SH3BGRL2: variants seen among roughly 807,000 people sequenced by gnomAD.
SH3BGRL2 encodes the protein SH3 domain-binding glutamic acid-rich-like protein 2.
SH3BGRL2 carries 21 observed loss-of-function variants against 14.8 expected under a neutral mutation model. That is an observed-to-expected ratio of 1.42 (90% CI 1.01 to 2.05). The LOEUF (loss-of-function observed/expected upper bound fraction) is 2.05. Ranked by LOEUF, SH3BGRL2 falls within the 30% of genes most tolerant of loss-of-function variation. The pLI, the probability that SH3BGRL2 is intolerant of heterozygous loss-of-function variation, is 0.00. For missense variants in SH3BGRL2, 147 were observed against 130.8 expected (o/e 1.12, Z -0.61); for synonymous variants, 50 against 47.8 (o/e 1.05, Z -0.19).
intron 2 of SH3BGRL2, among the ~76,000 whole-genome samples, chr6:79,679,374 AT>A (rs145315966): frequency 0.085 from 11,801 of 138,262 alleles, 597 homozygotes; most frequent in Non-Finnish European, 0.12. Context: ...AATGATGAAC[AT>A]TTTTTTTTCA....
chr6:79,582,983 G>A, the SH3BGRL2 span, among the ~76,000 whole-genome samples: 14,717 of 152,216 alleles, frequency 0.097, 830 homozygotes, highest in Non-Finnish European at 0.12. Flanking sequence ...GATATGAACA[G>A]ACACTTCTCA....
the SH3BGRL2 span, among the ~76,000 whole-genome samples, chr6:79,589,070 T>C: frequency 6.6e-6 from 1 of 152,112 alleles, no homozygotes; most frequent in African/African-American, 2.4e-5. Flanking sequence ...AAATCATCTC[T>C]AGATTACTTA....
chr6:79,551,214 C>T, the SH3BGRL2 span, among the ~76,000 whole-genome samples: 1 of 152,146 alleles, frequency 6.6e-6, no homozygotes, highest in Non-Finnish European at 1.5e-5. Context: ...CCATTACAAG[C>T]TGCAAGGACG....
rs1769720525 is a variant in SH3BGRL2, at chr6:79,669,157, T to C, written c.46-4457T>C. ...AGGGCCTCCTGCACGCTGGTCCTTC[T>C]GCTTCCAGAATTGACATTGTAGAGA... On this transcript the variant is annotated intron_variant, in intron 1 of 3. Coordinates refer to ENST00000369838, the MANE Select transcript of SH3BGRL2 (RefSeq NM_031469.4). Among the ~76,000 whole-genome samples, 11 of 152,326 alleles carry C rather than the reference T, an allele frequency of 7.2e-5. 1 individual carries two copies. The South Asian group carries it at 2.3e-3, about 32-fold the overall frequency.
the SH3BGRL2 span, among the ~76,000 whole-genome samples, chr6:79,563,302 G>A: frequency 4.6e-5 from 7 of 151,036 alleles, no homozygotes; most frequent in Admixed American, 3.3e-4. Context: ...TAATAGAGAC[G>A]GGGTTTCACC....
At chr6:79,677,589 A>C (rs1769910340) in intron 2 of SH3BGRL2, among the ~76,000 whole-genome samples, 1 of 152,188 alleles carries the variant, frequency 6.6e-6, no homozygotes, top group Non-Finnish European at 1.5e-5. Flanking sequence ...TATGCAGCTC[A>C]TCTGGGGTGT....
the SH3BGRL2 span, among the ~76,000 whole-genome samples, chr6:79,564,524 G>A: frequency 6.6e-6 from 1 of 152,116 alleles, no homozygotes; most frequent in African/African-American, 2.4e-5. Context: ...GTAAAGCTAG[G>A]ATTTGATCCT....
chr6:79,572,972 CTT>C, the SH3BGRL2 span, among the ~76,000 whole-genome samples: 1 of 152,146 alleles, frequency 6.6e-6, no homozygotes, highest in Non-Finnish European at 1.5e-5. Flanking sequence ...AAAATGGTGT[CTT>C]TAGATGCACA....
chr6:79,566,911 AAAAG>A, the SH3BGRL2 span, among the ~76,000 whole-genome samples: 9 of 151,908 alleles, frequency 5.9e-5, no homozygotes, highest in East Asian at 1.2e-3. Flanking sequence ...AAAAAAAAAA[AAAAG>A]AAAGAAACAA....
At chr6:79,649,844 CCT>C (rs1769245506) in intron 1 of SH3BGRL2, among the ~76,000 whole-genome samples, 1 of 152,096 alleles carries the variant, frequency 6.6e-6, no homozygotes, top group Non-Finnish European at 1.5e-5. Flanking sequence ...TGTTTTGTCA[CCT>C]GTGTTTCTCT....
the SH3BGRL2 span, among the ~76,000 whole-genome samples, chr6:79,552,225 G>C: frequency 6.6e-6 from 1 of 152,242 alleles, no homozygotes; most frequent in South Asian, 2.1e-4. Flanking sequence ...AGTCAAAGCT[G>C]TAGTTACGGC....
the SH3BGRL2 span, among the ~76,000 whole-genome samples, chr6:79,611,514 G>C: frequency 6.6e-6 from 1 of 150,552 alleles, no homozygotes; most frequent in Non-Finnish European, 1.5e-5. Context: ...GGTTCAAGCA[G>C]TTCTCCCTCC....
At chr6:79,635,325 T>C (rs1449467008) in intron 1 of SH3BGRL2, among the ~76,000 whole-genome samples, 1 of 152,226 alleles carries the variant, frequency 6.6e-6, no homozygotes, top group Non-Finnish European at 1.5e-5. Flanking sequence ...GCATAGAGAT[T>C]AAGTGGCTTT....
In SH3BGRL2 at chr6:79,701,369, T is replaced by G. The variant is rs181145851; in HGVS notation, c.*1860T>G. 5 of 152,304 alleles carry G rather than the reference T, an allele frequency of 3.3e-5. No homozygotes were observed. Among genetic ancestry groups the G allele is most frequent in the Non-Finnish European group, 7.4e-5 (5 of 68,026 alleles). 9.4% of individuals were successfully genotyped at this position (152,304 alleles called of 1,614,324 possible). A position where few individuals can be genotyped will look rare whatever the true frequency, so the allele number is the denominator to read the frequency against. On this transcript the variant is annotated 3_prime_UTR_variant, in exon 4 of 4. Transcript: ENST00000369838. ...TTGTAATTCATTACTCAGCTAACATTTAGTCTACTCTTGCTAGTGAGTGCC... is the reference window on the plus strand; with the variant it reads ...TTGTAATTCATTACTCAGCTAACATGTAGTCTACTCTTGCTAGTGAGTGCC...
Position 79,673,690 on chromosome 6 carries a change from T to G in SH3BGRL2, c.122T>G (p.Met41Arg), listed in dbSNP as rs1769822155. ...KIEFEEVDIT[M>R]SEEQRQWMYK... ...GAGTTTGAGGAGGTGGATATCACAA[T>G]GTCAGAAGAACAGAGGCAATGGATG... The change falls in exon 2 of 4, where the codon ATG becomes AGG. Residue 41 changes from methionine to arginine, a missense_variant. By Grantham distance (91) the Met-to-Arg change is moderately conservative (BLOSUM62 -1). Transcript: ENST00000369838. The G allele has an allele frequency of 2.5e-6, 4 of 1,614,126 alleles. No individual in the cohort carries two copies. The highest frequency in any genetic ancestry group is 3.4e-6 in the Non-Finnish European group (4 of 1,180,030).
At chr6:79,591,492 C>T in the SH3BGRL2 span, among the ~76,000 whole-genome samples, 1 of 152,160 alleles carries the variant, frequency 6.6e-6, no homozygotes, top group African/African-American at 2.4e-5. Flanking sequence ...ACTGCAACCT[C>T]CGCCTCCTGG....
chr6:79,695,924 G>T (rs1241153495), intron 2 of SH3BGRL2, among the ~76,000 whole-genome samples: 1 of 152,148 alleles, frequency 6.6e-6, no homozygotes, highest in Non-Finnish European at 1.5e-5. Flanking sequence ...TTGAGGCAAA[G>T]GTAAATATTA....
the SH3BGRL2 span, among the ~76,000 whole-genome samples, chr6:79,570,715 G>A: frequency 6.6e-6 from 1 of 152,198 alleles, no homozygotes; most frequent in Non-Finnish European, 1.5e-5. Context: ...CTAGAGATAA[G>A]ATGTTAACCA....
intron 2 of SH3BGRL2, among the ~76,000 whole-genome samples, chr6:79,691,791 T>C (rs1770222739): frequency 2.0e-5 from 3 of 151,696 alleles, no homozygotes; most frequent in African/African-American, 7.3e-5. Flanking sequence ...GTCTTTGCTA[T>C]TGTGAATAGT....
Sources: allele counts gnomAD v4.1 joint callset (sites outside exome capture counted in the v4.1 genomes callset), GRCh38; gene constraint gnomAD v4.1.1; transcripts MANE v1.5; gene names NCBI Gene and HGNC (gene_info 2026-07-23, HGNC 2026-07-21).